The following DCC variants were observed in gnomAD, a reference collection of about 807,000 sequenced individuals.
DCC encodes DCC netrin 1 receptor, also known as netrin receptor DCC.
Under a neutral mutation model 172.5 loss-of-function variants are expected in DCC, and 58 were observed. The ratio of observed to expected loss-of-function variants is 0.34; its 90% CI spans 0.27 to 0.42. The LOEUF (loss-of-function observed/expected upper bound fraction) is 0.42, where lower values mean the gene tolerates loss of function less well. Ranked by LOEUF, DCC falls within the 10% of genes least tolerant of loss-of-function variation. DCC has a pLI of 1.00. For synonymous variants in DCC, 709 were observed against 644.5 expected, an observed-to-expected ratio of 1.10 and a Z score of -1.52; for missense variants, 1,740 against 1,791.0, an observed-to-expected ratio of 0.97 and a Z score of 0.51.
At chr18:53,096,308 T>C (rs1599129479) in intron 7 of DCC, among the ~76,000 whole-genome samples, 1 of 152,114 alleles carries the variant, frequency 6.6e-6, no homozygotes, top group African/African-American at 2.4e-5. Flanking sequence ...CCCTGCACTT[T>C]AGCCTAGATG....
chr18:52,789,311 C>G (rs1338993909), intron 2 of DCC, among the ~76,000 whole-genome samples: 2 of 151,980 alleles, frequency 1.3e-5, no homozygotes, highest in Non-Finnish European at 2.9e-5. Flanking sequence ...CCAAGGAGTT[C>G]CAGGCTACCA....
chr18:53,246,766 T>C (rs1416277073), intron 12 of DCC, among the ~76,000 whole-genome samples: 1 of 152,036 alleles, frequency 6.6e-6, no homozygotes, highest in African/African-American at 2.4e-5. Flanking sequence ...TAGAATTGCA[T>C]GGTATGTTTT....
chr18:53,426,914 C>A (rs1314519417), intron 21 of DCC, among the ~76,000 whole-genome samples: 1 of 152,124 alleles, frequency 6.6e-6, no homozygotes, highest in Non-Finnish European at 1.5e-5. Context: ...TTTCAGACTG[C>A]AGCTGCAACT....
intron 3 of DCC, among the ~76,000 whole-genome samples, chr18:52,914,343 C>T (rs778891723): frequency 1.3e-5 from 2 of 152,024 alleles, no homozygotes; most frequent in Non-Finnish European, 2.9e-5. Context: ...TCCTTTCTTC[C>T]GCCAGACTCT....
At chr18:52,935,989 G>A (rs972871778) in intron 5 of DCC, among the ~76,000 whole-genome samples, 5 of 151,944 alleles carry the variant, frequency 3.3e-5, no homozygotes, top group Non-Finnish European at 5.9e-5. Flanking sequence ...AGTGCCTTAG[G>A]TACGTTTGTA....
At chr18:53,190,087 C>G (rs570852778) in intron 9 of DCC, among the ~76,000 whole-genome samples, 2 of 152,012 alleles carry the variant, frequency 1.3e-5, no homozygotes, top group Non-Finnish European at 2.9e-5. Context: ...CCACCACGCC[C>G]GGCTAATTTT....
rs112037908 is a variant in DCC at position 53,265,131 on chromosome 18, A to T, written c.1912-40447A>T. On this transcript the variant is annotated intron_variant, in intron 12 of 28. Coordinates refer to ENST00000442544, the MANE Select transcript of DCC (RefSeq NM_005215.4). ...CAGAAGCAACCGGATGACATTAAGGATGCAGTCTATGGGAAATAATGTGTT... is the reference window on the plus strand; with the variant it reads ...CAGAAGCAACCGGATGACATTAAGGTTGCAGTCTATGGGAAATAATGTGTT... Among the ~76,000 whole-genome samples, 188 of 152,288 alleles carry T rather than the reference A, an allele frequency of 1.2e-3. 1 individual carries two copies. Among genetic ancestry groups the T allele is most frequent in the African/African-American group, 4.0e-3 (166 of 41,564 alleles).
chr18:52,692,854 A>ATT (rs1413335714), intron 1 of DCC, among the ~76,000 whole-genome samples: 1 of 152,206 alleles, frequency 6.6e-6, no homozygotes, highest in East Asian at 1.9e-4. Flanking sequence ...GATATTACCA[A>ATT]GTATAAAACA....
At chr18:52,586,832 A>G (rs1490661655) in intron 1 of DCC, among the ~76,000 whole-genome samples, 1 of 152,192 alleles carries the variant, frequency 6.6e-6, no homozygotes, top group Non-Finnish European at 1.5e-5. Flanking sequence ...TGACTTCAAA[A>G]GGCCATTCCA....
intron 2 of DCC, among the ~76,000 whole-genome samples, chr18:52,881,687 C>T (rs1033472453): frequency 1.3e-5 from 2 of 152,062 alleles, no homozygotes; most frequent in African/African-American, 4.8e-5. Flanking sequence ...CAGTACCATG[C>T]TGTGTTGGTT....
At position 53,535,465 on chromosome 18, in the gene DCC, G is replaced by A. The variant is rs866902221; in HGVS notation, c.*4812G>A. The A allele has an allele frequency of 6.6e-6, 1 of 152,212 alleles. No homozygotes were observed. The highest frequency in any genetic ancestry group is 2.4e-5 in the African/African-American group (1 of 41,456). The allele number at this position is 152,212 out of a possible 1,614,324, so 9.4% of individuals were successfully genotyped here. A position where few individuals can be genotyped will look rare whatever the true frequency, so the allele number is the denominator to read the frequency against. On this transcript the variant is annotated 3_prime_UTR_variant, in exon 29 of 29. Transcript: ENST00000442544. ...AATTCTGAAAGCATTTTGCAGATCA[G>A]TGCTACTCATTCAAAGGGCTTTGCA...
chr18:53,500,914 A>ACTACATTATGGGGAGGAT (rs1428040795), intron 27 of DCC, among the ~76,000 whole-genome samples: 1 of 152,036 alleles, frequency 6.6e-6, no homozygotes, highest in East Asian at 1.9e-4. Flanking sequence ...CTCCACACAT[A>ACTACATTATGGGGAGGAT]CTACATTATG....
In DCC at chr18:53,435,112, C is replaced by T. The variant is rs753034585; in HGVS notation, c.3164-32C>T. The T allele has an allele frequency of 4.7e-6, 7 of 1,501,964 alleles. No individual in the cohort carries two copies. The Admixed American group carries it at 6.7e-5, about 14-fold the overall frequency. 93.0% of individuals were successfully genotyped at this position (1,501,964 alleles called of 1,614,324 possible). On this transcript the variant is annotated intron_variant, in intron 21 of 28. Transcript: ENST00000442544. ...TTGTCTTCATTTTGTTTCATTTGTA[C>T]TGACATTGTGACATGCTCTCCCAAT...
At chr18:53,154,601 T>G (rs910935247) in intron 7 of DCC, among the ~76,000 whole-genome samples, 6 of 152,152 alleles carry the variant, frequency 3.9e-5, no homozygotes, top group Non-Finnish European at 8.8e-5. Context: ...TTGTGGTAAT[T>G]CCAGTTAGAG....
intron 2 of DCC, among the ~76,000 whole-genome samples, chr18:52,905,298 A>G (rs1331129558): frequency 6.6e-6 from 1 of 152,172 alleles, no homozygotes; most frequent in Non-Finnish European, 1.5e-5. Flanking sequence ...TCATATGAAC[A>G]TTGAAGTGAC....
chr18:53,359,849 CAG>C (rs1424885181), intron 15 of DCC, among the ~76,000 whole-genome samples: 5 of 152,094 alleles, frequency 3.3e-5, no homozygotes, highest in Non-Finnish European at 1.5e-5. Context: ...AACCCTGACT[CAG>C]TACCCATTTC....
At chr18:53,386,012 C>A in intron 15 of DCC, 31 bp from the exon 16 acceptor site, 1 of 1,357,662 alleles carries the variant, frequency 7.4e-7, no homozygotes, top group Non-Finnish European at 1.1e-6. Flanking sequence ...AATATATCAA[C>A]ACGTTCATAT....
chr18:52,625,056 T>C (rs1267714449), intron 1 of DCC, among the ~76,000 whole-genome samples: 5 of 152,198 alleles, frequency 3.3e-5, no homozygotes, highest in Non-Finnish European at 7.3e-5. Context: ...TACAAACCTG[T>C]ACAGCTTGTT....
chr18:52,845,279 C>T (rs1284552331), intron 2 of DCC, among the ~76,000 whole-genome samples: 1 of 152,190 alleles, frequency 6.6e-6, no homozygotes, highest in Non-Finnish European at 1.5e-5. Flanking sequence ...TCAGTGAACT[C>T]CTCCCTGAGA....
Sources: gnomAD v4.1 joint callset for allele counts (sites outside exome capture counted in the v4.1 genomes callset) on GRCh38, gnomAD v4.1.1 for gene constraint, MANE v1.5 for transcripts, NCBI Gene and HGNC (gene_info 2026-07-23, HGNC 2026-07-21) for gene names.